Variants in FILIP1L observed in about 807,000 individuals in gnomAD.
The protein encoded by FILIP1L is filamin A interacting protein 1 like, also known as filamin A-interacting protein 1-like.
FILIP1L carries 55 observed loss-of-function variants against 96.6 expected under a neutral mutation model. The observed-to-expected ratio is 0.57, with a 90% confidence interval of 0.46 to 0.71. FILIP1L has a LOEUF of 0.71. FILIP1L is among the 30% of genes least tolerant of loss of function. The pLI is 0.00. For missense variants in FILIP1L, 1,304 were observed against 1,321.2 expected (o/e 0.99, Z 0.20); for synonymous variants, 467 against 473.9 (o/e 0.99, Z 0.19).
intron 4 of FILIP1L, among the ~76,000 whole-genome samples, chr3:99,862,003 TATC>T (rs1200796048): frequency 6.6e-6 from 1 of 152,184 alleles, no homozygotes; most frequent in Non-Finnish European, 1.5e-5. Context: ...AAAAAGTCCT[TATC>T]ATAGTGCCTG....
chr3:99,877,774 A>G (rs1318945019), intron 4 of FILIP1L, among the ~76,000 whole-genome samples: 2 of 152,178 alleles, frequency 1.3e-5, no homozygotes, highest in Non-Finnish European at 2.9e-5. Context: ...ATTTTTTATT[A>G]CAAATGAGAT....
At chr3:100,102,572 A>AT (rs906999376) in intron 1 of FILIP1L, among the ~76,000 whole-genome samples, 18 of 152,048 alleles carry the variant, frequency 1.2e-4, no homozygotes, top group African/African-American at 4.3e-4. Flanking sequence ...ATTGTTTTAT[A>AT]TTTTTTGTGT....
intron 1 of FILIP1L, among the ~76,000 whole-genome samples, chr3:99,999,964 C>T (rs1709795384): frequency 6.6e-6 from 1 of 152,268 alleles, no homozygotes; most frequent in East Asian, 1.9e-4. Context: ...GACTCTAGAA[C>T]AGTGATTCTC....
intron 4 of FILIP1L, among the ~76,000 whole-genome samples, chr3:99,902,775 A>G (rs556033703): frequency 3.9e-4 from 59 of 152,296 alleles, no homozygotes; most frequent in African/African-American, 1.3e-3. Flanking sequence ...CTGTCATGGA[A>G]AAGGTTTAAC....
At chr3:99,917,669 G>A (rs545244636) in intron 4 of FILIP1L, among the ~76,000 whole-genome samples, 1 of 152,218 alleles carries the variant, frequency 6.6e-6, no homozygotes, top group South Asian at 2.1e-4. Context: ...TGTATTAACA[G>A]GAATAAAAAA....
At chr3:100,014,874 CTT>C (rs200759774) in intron 1 of FILIP1L, among the ~76,000 whole-genome samples, 3 of 28,212 alleles carry the variant, frequency 1.1e-4, no homozygotes, top group African/African-American at 4.5e-4. Context: ...TTTTTCTTTT[CTT>C]TTTTTTTTTT....
At chr3:99,947,233 C>T (rs1279784949) in intron 1 of FILIP1L, among the ~76,000 whole-genome samples, 4 of 151,866 alleles carry the variant, frequency 2.6e-5, no homozygotes, top group Non-Finnish European at 4.4e-5. Flanking sequence ...AATTCAACCA[C>T]GCAGAGATTT....
intron 1 of FILIP1L, among the ~76,000 whole-genome samples, chr3:100,065,593 T>A (rs1296973928): frequency 1.3e-5 from 2 of 152,156 alleles, no homozygotes; most frequent in African/African-American, 2.4e-5. Flanking sequence ...TACTCTTTCT[T>A]CCTAATGAAA....
chr3:100,034,068 G>A (rs1343499984), intron 1 of FILIP1L, among the ~76,000 whole-genome samples: 1 of 152,144 alleles, frequency 6.6e-6, no homozygotes, highest in East Asian at 1.9e-4. Flanking sequence ...TTACATTAGT[G>A]ACCCGTTAAT....
intron 5 of FILIP1L, among the ~76,000 whole-genome samples, chr3:99,831,136 T>C (rs1302657064): frequency 1.3e-5 from 2 of 152,232 alleles, no homozygotes; most frequent in Non-Finnish European, 2.9e-5. Context: ...ATATTTGATT[T>C]TAGCATTGTT....
chr3:99,970,842 G>A (rs1391137710), intron 1 of FILIP1L, among the ~76,000 whole-genome samples: 1 of 152,198 alleles, frequency 6.6e-6, no homozygotes, highest in Middle Eastern at 3.2e-3. Flanking sequence ...GCAAAATGTT[G>A]TGAGGATATT....
intron 3 of FILIP1L, among the ~76,000 whole-genome samples, chr3:99,926,853 G>C (rs1707307864): frequency 6.6e-6 from 1 of 152,144 alleles, no homozygotes; most frequent in African/African-American, 2.4e-5. Context: ...GGAATGGAAA[G>C]AAGGCTAGAA....
Position 99,829,546 on chromosome 3 carries a change from C to G in FILIP1L, c.*868G>C, listed in dbSNP as rs1942607325. Among the ~76,000 whole-genome samples, 1 of 152,140 alleles carries G rather than the reference C, an allele frequency of 6.6e-6. No individual in the cohort carries two copies. ...CTTTCCTGTTTTACATGTGGAAACT[C>G]AAGGCTTAGATTGATGAATGCAAAG... On this transcript the variant is annotated 3_prime_UTR_variant, in exon 6 of 6. Coordinates refer to ENST00000477258, the MANE Select transcript of FILIP1L (RefSeq NM_001387850.1).
At chr3:100,092,196 TAGG>T (rs1177425907) in intron 1 of FILIP1L, among the ~76,000 whole-genome samples, 1 of 152,226 alleles carries the variant, frequency 6.6e-6, no homozygotes, top group African/African-American at 2.4e-5. Context: ...TTTTGTTAAA[TAGG>T]AGGTAGAAAA....
intron 1 of FILIP1L, among the ~76,000 whole-genome samples, chr3:100,039,090 A>T (rs1466396151): frequency 6.6e-6 from 1 of 152,228 alleles, no homozygotes; most frequent in South Asian, 2.1e-4. Context: ...TATAAAAAGA[A>T]TAGGAAATTA....
At chr3:99,999,898 A>G (rs556121348) in intron 1 of FILIP1L, among the ~76,000 whole-genome samples, 17 of 152,300 alleles carry the variant, frequency 1.1e-4, no homozygotes, top group Non-Finnish European at 2.1e-4. Flanking sequence ...ACATAGTCCA[A>G]TTCCCTCCAT....
rs1343226468 is a variant in FILIP1L at position 99,986,874 on chromosome 3, T to C, written c.-10-55844A>G. On this transcript the variant is annotated intron_variant, in intron 1 of 5. Coordinates refer to ENST00000477258, the MANE Select transcript of FILIP1L (RefSeq NM_001387850.1). ...GTTATTCAGACCAAAATGTCTATAG[T>C]GCCAAGGTGGAGAAACCCTGATCTA... 7.9e-5 allele frequency among the ~76,000 whole-genome samples: 12 copies of C among 152,264 alleles called. No homozygotes were observed. In the East Asian group the frequency reaches 2.3e-3, roughly 29 times the overall value.
At position 99,907,228 on chromosome 3, in the gene FILIP1L, T is replaced by C. The variant is rs1167832187; in HGVS notation, c.605+17002A>G. On this transcript the variant is annotated intron_variant, in intron 4 of 5. Coordinates refer to ENST00000477258, the MANE Select transcript of FILIP1L (RefSeq NM_001387850.1). ...AATGGTGTGGAATAGTTATCTTAAC[T>C]ACCTATTACCCTTTTAATTTTCTTT... 2.0e-5 allele frequency among the ~76,000 whole-genome samples: 3 copies of C among 150,666 alleles called. No homozygotes were observed. The East Asian group carries it at 5.8e-4, about 29-fold the overall frequency.
At chr3:99,976,055 T>G (rs1389514731) in intron 1 of FILIP1L, among the ~76,000 whole-genome samples, 1 of 152,166 alleles carries the variant, frequency 6.6e-6, no homozygotes, top group African/African-American at 2.4e-5. Context: ...CAGCTAATTT[T>G]TGTATTTTTA....
Sources: allele counts gnomAD v4.1 joint callset (sites outside exome capture counted in the v4.1 genomes callset), GRCh38; gene constraint gnomAD v4.1.1; transcripts MANE v1.5; gene names NCBI Gene and HGNC (gene_info 2026-07-23, HGNC 2026-07-21).